MAGEC1: variants seen among roughly 807,000 people sequenced by gnomAD.
MAGEC1 encodes the protein melanoma-associated antigen C1.
MAGEC1 carries 3 observed loss-of-function variants against 1.5 expected under a neutral mutation model. That is an observed-to-expected ratio of 1.97 (90% CI 0.90 to 5.10). The LOEUF (loss-of-function observed/expected upper bound fraction) is 5.10. Among genes scored for constraint, MAGEC1 ranks in the 30% most tolerant of loss-of-function variants. MAGEC1 has a pLI of 0.02. For synonymous variants in MAGEC1, 357 were observed against 310.4 expected (o/e 1.15, Z -1.58); for missense variants, 985 against 803.1 (o/e 1.23, Z -2.74).
At position 141,906,094 on chromosome X, in the gene MAGEC1, G is replaced by T; in HGVS notation, c.690G>T (p.Gln230His). The T allele has an allele frequency of 9.2e-7, 1 of 1,091,132 alleles. No individual in the cohort carries two copies. The highest frequency in any genetic ancestry group is 1.2e-6 in the Non-Finnish European group (1 of 801,771). 89.9% of individuals were successfully genotyped at this position (1,091,132 alleles called of 1,213,427 possible). The change falls in exon 4 of 4, where the codon CAG (glutamine) becomes CAT (histidine). Residue 230 changes from glutamine to histidine, a missense_variant. Gln to His is a conservative substitution (Grantham distance 24). Transcript: ENST00000285879. Reference sequence around the variant, plus strand: ...AGAGTACTTTTGAGGGTTTTGCCCAGTCTCCTCTCCAGATTCCTGTGAGCC... The same window carrying T: ...AGAGTACTTTTGAGGGTTTTGCCCATTCTCCTCTCCAGATTCCTGTGAGCC... ...RTQSTFEGFA[Q>H]SPLQIPVSPS...
In MAGEC1 at chrX:141,907,996, G is replaced by A. The variant is rs1277166561; in HGVS notation, c.2592G>A (p.Leu864=). ...TCTCCTTCTCCTCCTCCACTTCATT[G>A]AGCCCATTCAGTGAAGAGTCCAGCA... The part of the protein sequence containing the change: ...PVISFSSSTS[L]SPFSEESSSP... The change falls in exon 4 of 4, where the codon TTG becomes TTA. Residue 864 remains leucine, a synonymous_variant. Transcript: ENST00000285879. 1 of 1,211,542 alleles carries A rather than the reference G, an allele frequency of 8.3e-7. No homozygotes were observed. Among genetic ancestry groups the A allele is most frequent in the Admixed American group, 2.2e-5 (1 of 46,016 alleles).
rs1330842750 is a variant in MAGEC1 at position 141,907,255 on chromosome X, G to A, written c.1851G>A (p.Gln617=). 3.3e-6 allele frequency: 4 copies of A among 1,208,582 alleles called. No individual in the cohort carries two copies. The African/African-American group carries it at 7.1e-5, about 21-fold the overall frequency. The change falls in exon 4 of 4, where the codon CAG becomes CAA. Residue 617 remains glutamine, a synonymous_variant. Coordinates refer to ENST00000285879, the MANE Select transcript of MAGEC1 (RefSeq NM_005462.5). ...SPLYFPQSPL[Q]GEEFQSSLQS... ...TCTACTTTCCTCAGAGTCCTCTTCA[G>A]GGGGAGGAATTCCAGTCTTCTCTCC...
At position 141,906,485 on chromosome X, in the gene MAGEC1, G is replaced by A. The variant is rs762022183; in HGVS notation, c.1081G>A (p.Ala361Thr). 2.7e-5 allele frequency: 32 copies of A among 1,171,246 alleles called. No individual in the cohort carries two copies. Among genetic ancestry groups the A allele is most frequent in the Middle Eastern group, 2.4e-4 (1 of 4,181 alleles). ...LSIFQSSPESAQSTFEGFPQS... is the reference protein window; with the variant it reads ...LSIFQSSPESTQSTFEGFPQS... Reference sequence around the variant, plus strand: ...TATTTTCCAGAGTTCTCCTGAGAGTGCTCAAAGTACTTTTGAGGGTTTTCC... The same window carrying A: ...TATTTTCCAGAGTTCTCCTGAGAGTACTCAAAGTACTTTTGAGGGTTTTCC... Residue 361 changes from alanine (A) to threonine (T), a missense_variant, in exon 4 of 4, where the codon GCT (alanine) becomes ACT (threonine). By Grantham distance (58) the Ala-to-Thr change is moderately conservative. Coordinates refer to ENST00000285879, the MANE Select transcript of MAGEC1 (RefSeq NM_005462.5).
intron 1 of MAGEC1, 121 bp downstream of exon 1, chrX:141,904,099 A>G (rs2018161424): frequency 8.9e-6 from 1 of 111,815 alleles, no homozygotes; most frequent in Non-Finnish European, 1.9e-5. Context: ...CCGAGGGCTG[A>G]GGGACGTGTC....
rs757689491 is a variant in MAGEC1, at chrX:141,908,613, T to C, written c.3209T>C (p.Leu1070Pro). The C allele has an allele frequency of 1.7e-5, 21 of 1,208,588 alleles. No homozygotes were observed. Among genetic ancestry groups the C allele is most frequent in the Admixed American group, 4.4e-5 (2 of 45,631 alleles). Residue 1070 changes from leucine (L) to proline (P), a missense_variant, in exon 4 of 4, where the codon CTG becomes CCG. Physicochemically the swap from Leu to Pro is moderately conservative, Grantham distance 98. Coordinates refer to ENST00000285879, the MANE Select transcript of MAGEC1 (RefSeq NM_005462.5). ...TCTTCTCCTCCTCGTTACGAATTCC[T>C]GTGGGGTCCAAGAGCTCATTCAGAA... is the stretch of plus-strand genomic sequence containing the variant. ...PNSSPPRYEF[L>P]WGPRAHSEVI...
chrX:141,906,208 C>G lies in MAGEC1; in HGVS notation c.804C>G (p.Leu268=). 1 of 888,693 alleles carries G rather than the reference C, an allele frequency of 1.1e-6. No homozygotes were observed. Among genetic ancestry groups the G allele is most frequent in the South Asian group, 2.3e-5 (1 of 43,293 alleles). 73.2% of individuals were successfully genotyped at this position (888,693 alleles called of 1,213,427 possible). A position where few individuals can be genotyped will look rare whatever the true frequency, so the allele number is the denominator to read the frequency against. ...TTGAGGGTTTTGCCCAGTCTTCTCT[C>G]CAGATTCCTGTGAGCCCCTCCTTCT... ...STFEGFAQSS[L]QIPVSPSFSS... Residue 268 remains leucine (L), a synonymous_variant, in exon 4 of 4, where the codon CTC becomes CTG. Coordinates refer to ENST00000285879, the MANE Select transcript of MAGEC1 (RefSeq NM_005462.5).
At position 141,904,867 on chromosome X, in the gene MAGEC1, A is replaced by C. The variant is rs775966541; in HGVS notation, c.-104+53A>C. ...AGGGCCCTACCCCCAGAAACAGGGC[A>C]GACCTGGCAGCACCCGGCCTGTAGC... On this transcript the variant is annotated intron_variant, in intron 2 of 3. Coordinates refer to ENST00000285879, the MANE Select transcript of MAGEC1 (RefSeq NM_005462.5). The C allele has an allele frequency of 7.8e-5, 40 of 509,589 alleles. No homozygotes were observed. In the East Asian group the frequency reaches 1.4e-3, roughly 18 times the overall value. 42.0% of individuals were successfully genotyped at this position (509,589 alleles called of 1,213,427 possible). A position where few individuals can be genotyped will look rare whatever the true frequency, so the allele number is the denominator to read the frequency against.
intron 2 of MAGEC1, 68 bp downstream of exon 2, chrX:141,904,882 C>T (rs2975102): frequency 8.5e-6 from 5 of 586,608 alleles, no homozygotes; most frequent in South Asian, 2.8e-5. Flanking sequence ...TGGCAGCACC[C>T]GGCCTGTAGC....
chrX:141,908,420 A>G lies in MAGEC1; in HGVS notation c.3016A>G (p.Ile1006Val). The change falls in exon 4 of 4, where the codon ATC becomes GTC. Residue 1006 changes from isoleucine to valine, a missense_variant. Coordinates refer to ENST00000285879, the MANE Select transcript of MAGEC1 (RefSeq NM_005462.5). ...CCGCCTCCTGATTCTTATTCTGAGT[A>G]TCATCTTCATAAAGGGCACCTATGC... The part of the protein sequence containing the change: ...QNRLLILILS[I>V]IFIKGTYASE... 1 of 1,210,930 alleles carries G rather than the reference A, an allele frequency of 8.3e-7. No individual in the cohort carries two copies. The highest frequency in any genetic ancestry group is 3.0e-5 in the East Asian group (1 of 33,797).
rs78963072 is a variant in MAGEC1, at chrX:141,905,984, C to G, written c.580C>G (p.Pro194Ala). 2,718 of 1,178,685 alleles carry G rather than the reference C, an allele frequency of 2.3e-3. 17 individuals carry two copies. The highest frequency in any genetic ancestry group is 3.0e-3 in the Middle Eastern group (13 of 4,265). Residue 194 changes from proline (P) to alanine (A), a missense_variant, in exon 4 of 4, where the codon CCC becomes GCC. Coordinates refer to ENST00000285879, the MANE Select transcript of MAGEC1 (RefSeq NM_005462.5). ...ESTQSPFEGF[P>A]QSPLQIPVSR... ...TACTCAAAGTCCTTTTGAGGGTTTT[C>G]CCCAGTCTCCACTCCAGATTCCTGT...
rs941000034 is a variant in MAGEC1, at chrX:141,904,800, G to A, written c.-118G>A. 7.3e-6 allele frequency: 3 copies of A among 412,447 alleles called. No homozygotes were observed. Among genetic ancestry groups the A allele is most frequent in the African/African-American group, 5.0e-5 (2 of 39,655 alleles). The allele number at this position is 412,447 out of a possible 1,213,427, so 34.0% of individuals were successfully genotyped here. On this transcript the variant is annotated 5_prime_UTR_variant, in exon 2 of 4. The change creates a new upstream start codon in the 5' untranslated region. Transcript: ENST00000285879. Reference sequence around the variant, plus strand: ...CACCACAGCAGAGGAGGCCCAGGCAGTGCCAGGAGTCAAGGTGAGTGCACG... The same window carrying A: ...CACCACAGCAGAGGAGGCCCAGGCAATGCCAGGAGTCAAGGTGAGTGCACG...
rs780111592 is a variant in MAGEC1, at chrX:141,904,990, C to T, written c.-83C>T. On this transcript the variant is annotated 5_prime_UTR_variant, in exon 3 of 4. Transcript: ENST00000285879. ...TACAGGTTCCCAGAAGACAAACCCC[C>T]TAGGAAGACAGGCGACCTGTGAGGC... The T allele has an allele frequency of 5.8e-6, 7 of 1,203,842 alleles. No individual in the cohort carries two copies. Among genetic ancestry groups the T allele is most frequent in the Non-Finnish European group, 6.7e-6 (6 of 889,032 alleles).
chrX:141,908,921 C>A lies in MAGEC1; in HGVS notation c.*88C>A. On this transcript the variant is annotated 3_prime_UTR_variant, in exon 4 of 4. Coordinates refer to ENST00000285879, the MANE Select transcript of MAGEC1 (RefSeq NM_005462.5). The stretch of plus-strand genomic sequence containing the variant: ...GGCCTGGTTGAGGCTGGAGAGAACA[C>A]AGTGCTATTTGCATTTCTGTTCCAT... 1 of 820,663 alleles carries A rather than the reference C, an allele frequency of 1.2e-6. No individual in the cohort carries two copies. The highest frequency in any genetic ancestry group is 1.7e-6 in the Non-Finnish European group (1 of 587,000). 67.6% of individuals were successfully genotyped at this position (820,663 alleles called of 1,213,427 possible).
chrX:141,905,541 A>G lies in MAGEC1; in HGVS notation c.137A>G (p.Asp46Gly), dbSNP rs192041617. ...CCCCAGAGTTCTCCTGAGAGCGACG[A>G]CACCCTGTATCCTCTCCAGAGTCCT... ...QIPQSSPESDDTLYPLQSPQS... is the reference protein window; with the variant it reads ...QIPQSSPESDGTLYPLQSPQS... Residue 46 changes from aspartate (D) to glycine (G), a missense_variant, in exon 4 of 4, where the codon GAC (aspartate) becomes GGC (glycine). Transcript: ENST00000285879. The G allele has an allele frequency of 1.7e-4, 201 of 1,207,583 alleles. No homozygotes were observed. In the East Asian group the frequency reaches 5.9e-3, roughly 36 times the overall value.
Position 141,907,438 on chromosome X carries a change from T to G in MAGEC1, c.2034T>G (p.Ser678Arg), listed in dbSNP as rs368504542. 2.5e-6 allele frequency: 3 copies of G among 1,200,625 alleles called. No homozygotes were observed. In the African/African-American group the frequency reaches 5.5e-5, roughly 22 times the overall value. ...EGMHSQSPLQ[S>R]PESAPEGEDS... ...TGCACTCCCAATCTCCTCTCCAGAG[T>G]CCTGAGAGTGCTCCTGAGGGGGAGG... Residue 678 changes from serine (S) to arginine (R), a missense_variant, in exon 4 of 4, where the codon AGT becomes AGG. Transcript: ENST00000285879.
rs773872242 is a variant in MAGEC1 at position 141,907,211 on chromosome X, G to C, written c.1807G>C (p.Glu603Gln). ...CTTTCCTCAGAGCCCTCCTCAGGGG[G>C]AGGACTCCATGTCTCCTCTCTACTT... ...HYFPQSPPQG[E>Q]DSMSPLYFPQ... The change falls in exon 4 of 4, where the codon GAG (glutamate) becomes CAG (glutamine). Residue 603 changes from glutamate to glutamine, a missense_variant. Glu to Gln is a conservative substitution (Grantham distance 29). Coordinates refer to ENST00000285879, the MANE Select transcript of MAGEC1 (RefSeq NM_005462.5). 16 of 1,207,782 alleles carry C rather than the reference G, an allele frequency of 1.3e-5. No individual in the cohort carries two copies. The highest frequency in any genetic ancestry group is 1.8e-5 in the Non-Finnish European group (16 of 894,447).
At chrX:141,904,623 G>C (rs55928303) in intron 1 of MAGEC1, 94 bp from the exon 2 acceptor site, 3,831 of 145,585 alleles carry the variant, frequency 0.026, 59 homozygotes, top group Non-Finnish European at 0.039. Flanking sequence ...TGAATTCTGA[G>C]GGGGTCACGA....
Position 141,906,988 on chromosome X carries a change from T to C in MAGEC1, c.1584T>C (p.Ser528=), listed in dbSNP as rs1246211963. The change falls in exon 4 of 4, where the codon TCT becomes TCC. Residue 528 remains serine, a synonymous_variant. Coordinates refer to ENST00000285879, the MANE Select transcript of MAGEC1 (RefSeq NM_005462.5). ...CTCCTGAAGGGGAGAATACCCATTC[T>C]CCTCTCCAGATTGTTCCAAGTCTTC... The part of the protein sequence containing the change: ...QSPPEGENTH[S]PLQIVPSLPE... 3 of 1,210,804 alleles carry C rather than the reference T, an allele frequency of 2.5e-6. No homozygotes were observed. The African/African-American group carries it at 5.2e-5, about 21-fold the overall frequency.
chrX:141,907,222 G>T lies in MAGEC1; in HGVS notation c.1818G>T (p.Met606Ile), dbSNP rs753493972. 2.5e-6 allele frequency: 3 copies of T among 1,209,133 alleles called. No individual in the cohort carries two copies. The change falls in exon 4 of 4, where the codon ATG (methionine) becomes ATT (isoleucine). Residue 606 changes from methionine (M) to isoleucine (I), a missense_variant. Physicochemically the swap from Met to Ile is conservative, Grantham distance 10. Coordinates refer to ENST00000285879, the MANE Select transcript of MAGEC1 (RefSeq NM_005462.5). The stretch of plus-strand genomic sequence containing the variant: ...GCCCTCCTCAGGGGGAGGACTCCAT[G>T]TCTCCTCTCTACTTTCCTCAGAGTC... ...PQSPPQGEDS[M>I]SPLYFPQSPL...
Sources: gnomAD v4.1 joint callset for allele counts on GRCh38, gnomAD v4.1.1 for gene constraint, MANE v1.5 for transcripts, NCBI Gene and HGNC (gene_info 2026-07-23, HGNC 2026-07-21) for gene names.